The following LSMEM1 variants were observed in gnomAD, a reference collection of about 807,000 sequenced individuals.
LSMEM1 encodes the protein leucine rich single-pass membrane protein 1, also known as leucine-rich single-pass membrane protein 1.
LSMEM1 carries 10 observed loss-of-function variants against 11.3 expected under a neutral mutation model. The observed-to-expected ratio is 0.89, with a 90% CI of 0.55 to 1.50. The LOEUF (loss-of-function observed/expected upper bound fraction) is 1.50. Among genes scored for constraint, LSMEM1 ranks in the 40% most tolerant of loss-of-function variants. The probability of loss-of-function intolerance (pLI) is 0.00; values close to 1 mark genes in which losing one functional copy is unlikely to be tolerated. For synonymous variants in LSMEM1, 65 were observed against 59.3 expected, an observed-to-expected ratio of 1.10 and a Z score of -0.44; for missense variants, 151 against 152.9, an observed-to-expected ratio of 0.99 and a Z score of 0.06.
intron 2 of LSMEM1, chr7:112,486,222 T>A (rs1563279593): frequency 4.0e-6 from 1 of 250,362 alleles, no homozygotes; most frequent in Non-Finnish European, 8.4e-6. Flanking sequence ...CCAGCATAGG[T>A]ATCCCACAAC....
At chr7:112,487,335 G>A (rs1422680557) in intron 3 of LSMEM1, among the ~76,000 whole-genome samples, 1 of 152,194 alleles carries the variant, frequency 6.6e-6, no homozygotes, top group Non-Finnish European at 1.5e-5. Context: ...GCTGCCCAAT[G>A]GAAGGCAACT....
chr7:112,488,204 C>CA (rs1164690127), intron 3 of LSMEM1, among the ~76,000 whole-genome samples: 1 of 152,170 alleles, frequency 6.6e-6, no homozygotes, highest in African/African-American at 2.4e-5. Flanking sequence ...TAGAAGCTAA[C>CA]ATGTGTACTA....
At chr7:112,485,708 T>C (rs1334409204) in intron 2 of LSMEM1, among the ~76,000 whole-genome samples, 1 of 152,082 alleles carries the variant, frequency 6.6e-6, no homozygotes, top group Non-Finnish European at 1.5e-5. Flanking sequence ...GAAGTTTAGG[T>C]GTCAGCCCTA....
chr7:112,483,846 CA>C (rs1796079900), intron 1 of LSMEM1, among the ~76,000 whole-genome samples: 4 of 152,162 alleles, frequency 2.6e-5, no homozygotes, highest in Non-Finnish European at 5.9e-5. Context: ...TTTCTAGATC[CA>C]AACATCCTCT....
chr7:112,489,892 T>C lies in LSMEM1; in HGVS notation c.339T>C (p.Asn113=). 6.2e-7 allele frequency: 1 copy of C among 1,614,108 alleles called. No homozygotes were observed. The highest frequency in any genetic ancestry group is 8.5e-7 in the Non-Finnish European group (1 of 1,179,990). Residue 113 remains asparagine (N), a synonymous_variant, in exon 4 of 4, where the codon AAT becomes AAC. Transcript: ENST00000312849. The part of the protein sequence containing the change: ...GKDIDDLKRI[N]NMIVKRLNQL... The stretch of plus-strand genomic sequence containing the variant: ...ACATAGATGATCTTAAGAGAATCAA[T>C]AACATGATCGTAAAGCGACTCAACC...
At chr7:112,484,512 G>A (rs982823796) in intron 1 of LSMEM1, among the ~76,000 whole-genome samples, 2 of 152,222 alleles carry the variant, frequency 1.3e-5, no homozygotes. Flanking sequence ...TGAGACATCT[G>A]AGGAGGAGAA....
intron 2 of LSMEM1, 87 bp downstream of exon 2, chr7:112,485,030 G>A: frequency 2.1e-6 from 3 of 1,405,384 alleles, no homozygotes; most frequent in Non-Finnish European, 1.9e-6. Flanking sequence ...TGTGGGTGTG[G>A]TGGAGGGGGA....
In LSMEM1 at chr7:112,489,913, C is replaced by T. The variant is rs767104959; in HGVS notation, c.360C>T (p.Leu120=). ...TCAATAACATGATCGTAAAGCGACT[C>T]AACCAACTCAACCAACTGGACTCTG... The part of the protein sequence containing the change: ...KRINNMIVKR[L]NQLNQLDSEQ... The change falls in exon 4 of 4, where the codon CTC becomes CTT. Residue 120 remains leucine (L), a synonymous_variant. Transcript: ENST00000312849. The T allele has an allele frequency of 2.6e-5, 42 of 1,613,876 alleles. No individual in the cohort carries two copies. The highest frequency in any genetic ancestry group is 3.6e-5 in the Non-Finnish European group (42 of 1,179,956).
At chr7:112,486,334 C>G (rs1410713710) in intron 2 of LSMEM1, 2 of 448,538 alleles carry the variant, frequency 4.5e-6, no homozygotes, top group East Asian at 1.4e-4. Context: ...CACAAAAATT[C>G]ATGTTCTGCT....
rs1273564778 is a variant in LSMEM1, at chr7:112,486,921, A to G, written c.128-2A>G. 1.2e-6 allele frequency: 2 copies of G among 1,613,716 alleles called. No individual in the cohort carries two copies. The highest frequency in any genetic ancestry group is 1.7e-6 in the Non-Finnish European group (2 of 1,179,892). Reference sequence around the variant, plus strand: ...CCTTGTTTTTTGTTTGTTTCATATTAGCTCTAGAGGACAAAATCCCAGTCC... The same window carrying G: ...CCTTGTTTTTTGTTTGTTTCATATTGGCTCTAGAGGACAAAATCCCAGTCC... On this transcript the variant is annotated splice_acceptor_variant, in intron 2 of 3. Coordinates refer to ENST00000312849, the MANE Select transcript of LSMEM1 (RefSeq NM_182597.3). LOFTEE classifies it high-confidence loss of function.
At chr7:112,480,330 A>G (rs971855545), upstream of LSMEM1, among the ~76,000 whole-genome samples, 26 of 152,348 alleles carry the variant, frequency 1.7e-4, 1 homozygote, top group Middle Eastern at 3.4e-3. Context: ...GGATCATGCC[A>G]CTGCGCTCCA....
chr7:112,486,329 A>G (rs1796126543), intron 2 of LSMEM1: 1 of 446,126 alleles, frequency 2.2e-6, no homozygotes, highest in Non-Finnish European at 4.5e-6. Context: ...CCACACACAA[A>G]AATTCATGTT....
chr7:112,484,729 C>G, intron 1 of LSMEM1, 83 bp from the exon 2 acceptor site: 2 of 1,473,500 alleles, frequency 1.4e-6, no homozygotes, highest in Non-Finnish European at 1.9e-6. Flanking sequence ...ATAGGCCTGT[C>G]TGGCTTCCTG....
chr7:112,489,840 CAAG>C lies in LSMEM1; in HGVS notation c.292_294del (p.Arg98del), dbSNP rs758300585. ...ACTGGAAACAAGATGGATGATGTGT[CAAG>C]AAGACTAACAGCTGAAGGAAAAGAC... On this transcript the variant is annotated inframe_deletion, in exon 4 of 4. Coordinates refer to ENST00000312849, the MANE Select transcript of LSMEM1 (RefSeq NM_182597.3). 2 of 1,613,646 alleles carry C rather than the reference CAAG, an allele frequency of 1.2e-6. No homozygotes were observed. Among genetic ancestry groups the C allele is most frequent in the South Asian group, 2.2e-5 (2 of 90,988 alleles).
rs917904847 is a variant in LSMEM1, at chr7:112,484,876, T to C, written c.60T>C (p.Tyr20=). Residue 20 remains tyrosine, a synonymous_variant, in exon 2 of 4, where the codon TAT becomes TAC. Coordinates refer to ENST00000312849, the MANE Select transcript of LSMEM1 (RefSeq NM_182597.3). ...SCGIQEDGKL[Y]VVDSINDLNK... ...GCATTCAGGAAGATGGAAAGCTTTA[T>C]GTGGTGGATTCCATAAATGACTTAA... 1 of 1,613,856 alleles carries C rather than the reference T, an allele frequency of 6.2e-7. No individual in the cohort carries two copies. Among genetic ancestry groups the C allele is most frequent in the Non-Finnish European group, 8.5e-7 (1 of 1,179,800 alleles).
intron 2 of LSMEM1, among the ~76,000 whole-genome samples, chr7:112,485,614 CT>C (rs1324632773): frequency 1.3e-5 from 2 of 152,094 alleles, no homozygotes; most frequent in Non-Finnish European, 2.9e-5. Context: ...TGTCTAAATC[CT>C]TTCCAAGTTC....
Position 112,490,146 on chromosome 7 carries a change from AG to A in LSMEM1, c.*201del. On this transcript the variant is annotated 3_prime_UTR_variant, in exon 4 of 4. Transcript: ENST00000312849. ...GTGGGTATGGGAATAGCAACTAAAAAGGGGTGAACTTGTCTCAGCCCCCTTT... is the reference window on the plus strand; with the variant it reads ...GTGGGTATGGGAATAGCAACTAAAAAGGGTGAACTTGTCTCAGCCCCCTTT... 1.9e-6 allele frequency: 1 copy of A among 514,202 alleles called. No individual in the cohort carries two copies. The highest frequency in any genetic ancestry group is 3.5e-5 in the South Asian group (1 of 28,530). The allele number at this position is 514,202 out of a possible 1,614,324, so 31.9% of individuals were successfully genotyped here.
Position 112,489,713 on chromosome 7 carries a change from T to C in LSMEM1, c.257-97T>C, listed in dbSNP as rs552678230. On this transcript the variant is annotated intron_variant, in intron 3 of 3. Coordinates refer to ENST00000312849, the MANE Select transcript of LSMEM1 (RefSeq NM_182597.3). ...GGGAACAGGGGATTTGCCAAGAGTG[T>C]CTTTCAGCATCAGCTGAGCACCAAC... is the stretch of plus-strand genomic sequence containing the variant. 3.6e-6 allele frequency: 5 copies of C among 1,379,768 alleles called. No homozygotes were observed. The African/African-American group carries it at 5.8e-5, about 16-fold the overall frequency. The allele number at this position is 1,379,768 out of a possible 1,614,324, so 85.5% of individuals were successfully genotyped here.
Position 112,481,104 on chromosome 7 carries a change from T to A in LSMEM1, c.-248T>A. ...TATTTACTAAAAACCTTAGACATTA[T>A]GAAAAAAGTCAGGATTTGGAATCTT... On this transcript the variant is annotated 5_prime_UTR_variant, in exon 1 of 4. It removes an upstream start codon present in the reference 5' UTR. Coordinates refer to ENST00000312849, the MANE Select transcript of LSMEM1 (RefSeq NM_182597.3). 2 of 327,904 alleles carry A rather than the reference T, an allele frequency of 6.1e-6. No homozygotes were observed. The highest frequency in any genetic ancestry group is 1.2e-5 in the Non-Finnish European group (2 of 167,732). The allele number at this position is 327,904 out of a possible 1,614,324, so 20.3% of individuals were successfully genotyped here.
Sources: allele counts gnomAD v4.1 joint callset (sites outside exome capture counted in the v4.1 genomes callset), GRCh38; gene constraint gnomAD v4.1.1; transcripts MANE v1.5; gene names NCBI Gene and HGNC (gene_info 2026-07-23, HGNC 2026-07-21).